The following CEP78 variants were observed in gnomAD, a reference collection of about 807,000 sequenced individuals.
CEP78 encodes the protein centrosomal protein 78, also known as centrosomal protein of 78 kDa.
CEP78 carries 76 observed loss-of-function variants against 81.2 expected under a neutral mutation model. The ratio of observed to expected loss-of-function variants is 0.94; its 90% CI spans 0.78 to 1.13. CEP78 has a LOEUF of 1.13. CEP78 is among the 50% of genes most tolerant of loss of function. The probability of loss-of-function intolerance (pLI) is 0.00; values close to 1 mark genes in which losing one functional copy is unlikely to be tolerated. For missense variants in CEP78, 918 were observed against 846.8 expected (o/e 1.08, Z -1.04); for synonymous variants, 293 against 301.4 (o/e 0.97, Z 0.29).
chr9:78,262,969 T>G lies in CEP78; in HGVS notation c.1443T>G (p.Asp481Glu), dbSNP rs1253294499. Reference sequence around the variant, plus strand: ...AAAGAGTGATAAGGCTTAAGGTTGATAAACGAGTCAGTGAGGTAAATAAAA... The same window carrying G: ...AAAGAGTGATAAGGCTTAAGGTTGAGAAACGAGTCAGTGAGGTAAATAAAA... Reference protein sequence around the residue: ...KEERVIRLKVDKRVSELEHEN... With the variant: ...KEERVIRLKVEKRVSELEHEN... The change falls in exon 12 of 17, where the codon GAT becomes GAG. Residue 481 changes from aspartate to glutamate, a missense_variant. Coordinates refer to ENST00000643273, the MANE Select transcript of CEP78 (RefSeq NM_001330691.3). 1 of 1,541,710 alleles carries G rather than the reference T, an allele frequency of 6.5e-7. No homozygotes were observed. Among genetic ancestry groups the G allele is most frequent in the African/African-American group, 1.4e-5 (1 of 72,702 alleles).
chr9:78,240,490 C>G (rs1434432375), intron 3 of CEP78, 126 bp downstream of exon 3: 3 of 800,354 alleles, frequency 3.7e-6, no homozygotes, highest in Non-Finnish European at 6.3e-6. Context: ...AAACCTTGGT[C>G]CAGTCTCAAG....
intron 12 of CEP78, 92 bp downstream of exon 12, chr9:78,263,076 A>C (rs1827350660): frequency 3.2e-6 from 2 of 617,366 alleles, no homozygotes; most frequent in Non-Finnish European, 5.5e-6. Context: ...TAAACTTTAA[A>C]ATGAGAAAAT....
At chr9:78,250,373 A>C in intron 8 of CEP78, 1 of 396,896 alleles carries the variant, frequency 2.5e-6, no homozygotes, top group Non-Finnish European at 4.4e-6. Flanking sequence ...TTACGTGTGC[A>C]GACAGAAGAT....
chr9:78,268,935 C>T (rs1192423750), intron 16 of CEP78, among the ~76,000 whole-genome samples: 5 of 152,092 alleles, frequency 3.3e-5, no homozygotes, highest in Admixed American at 6.5e-5. Flanking sequence ...GGATTACAGG[C>T]GTGAGCTACC....
chr9:78,260,816 T>C (rs1243446924), intron 11 of CEP78, among the ~76,000 whole-genome samples: 2 of 152,122 alleles, frequency 1.3e-5, no homozygotes, highest in East Asian at 3.9e-4. Flanking sequence ...ATACTCGGGT[T>C]ATTCCATGAC....
rs1826511581 is a variant in CEP78, at chr9:78,246,792, T to G, written c.892+10T>G. 1 of 1,448,626 alleles carries G rather than the reference T, an allele frequency of 6.9e-7. No individual in the cohort carries two copies. The highest frequency in any genetic ancestry group is 2.1e-5 in the Admixed American group (1 of 47,842). 89.7% of individuals were successfully genotyped at this position (1,448,626 alleles called of 1,614,324 possible). ...AAAAATCCACTCATTGGTATGTCGC[T>G]ACAATATTTTTTATTGACTAACAAA... On this transcript the variant is annotated intron_variant, in intron 6 of 16. Transcript: ENST00000643273.
chr9:78,246,685 G>C lies in CEP78; in HGVS notation c.795G>C (p.Gln265His), dbSNP rs901789347. ...CATCGAAAGCTCTTGACCTGCAACA[G>C]TGCGGCCTCACCAATGAAGGAGCAA... ...DLWLRALDLQQCGLTNEGAKA... is the reference protein window; with the variant it reads ...DLWLRALDLQHCGLTNEGAKA... Residue 265 changes from glutamine (Q) to histidine (H), a missense_variant, in exon 6 of 17, where the codon CAG becomes CAC. Transcript: ENST00000643273. 1.9e-6 allele frequency: 3 copies of C among 1,608,328 alleles called. No individual in the cohort carries two copies. The highest frequency in any genetic ancestry group is 2.5e-6 in the Non-Finnish European group (3 of 1,177,218).
intron 16 of CEP78, 146 bp downstream of exon 16, chr9:78,266,849 A>G (rs1827565393): frequency 6.9e-7 from 1 of 1,449,020 alleles, no homozygotes; most frequent in Admixed American, 2.9e-5. Context: ...GGTCTTTGAA[A>G]AAATACGTTT....
In CEP78 at chr9:78,277,470, G is replaced by T. The variant is rs999431746; in HGVS notation, c.*6619G>T. The T allele has an allele frequency of 2.0e-5, 3 of 152,060 alleles. No homozygotes were observed. The highest frequency in any genetic ancestry group is 4.4e-5 in the Non-Finnish European group (3 of 67,970). 9.4% of individuals were successfully genotyped at this position (152,060 alleles called of 1,614,324 possible). A position where few individuals can be genotyped will look rare whatever the true frequency, so the allele number is the denominator to read the frequency against. ...GGCTATAAAAATATTTTATAAATAAGAAATACAGACTATAAACATAAACTT... is the reference window on the plus strand; with the variant it reads ...GGCTATAAAAATATTTTATAAATAATAAATACAGACTATAAACATAAACTT... On this transcript the variant is annotated 3_prime_UTR_variant, in exon 17 of 17. Transcript: ENST00000643273.
At chr9:78,261,132 G>T (rs1827255187) in intron 11 of CEP78, among the ~76,000 whole-genome samples, 3 of 152,000 alleles carry the variant, frequency 2.0e-5, no homozygotes, top group Admixed American at 2.0e-4. Flanking sequence ...TATATTTTTA[G>T]TAGAGACGGG....
In CEP78 at chr9:78,240,187, C is replaced by A. The variant is rs1186841188; in HGVS notation, c.418C>A (p.Leu140Ile). Residue 140 changes from leucine to isoleucine, a missense_variant, in exon 2 of 17, where the codon CTA (leucine) becomes ATA (isoleucine). By Grantham distance (5) the Leu-to-Ile change is conservative (BLOSUM62 2). Transcript: ENST00000643273. Reference sequence around the variant, plus strand: ...TCTGAGAGAGAGGGATTTAACTATTCTAGCAAAGGTAAGCTTTGTCTCATT... The same window carrying A: ...TCTGAGAGAGAGGGATTTAACTATTATAGCAAAGGTAAGCTTTGTCTCATT... ...LILRERDLTI[L>I]AKGLNKSASL... The A allele has an allele frequency of 6.2e-7, 1 of 1,605,590 alleles. No homozygotes were observed. The highest frequency in any genetic ancestry group is 2.2e-5 in the East Asian group (1 of 44,798).
chr9:78,246,461 G>T (rs369095239), intron 5 of CEP78, among the ~76,000 whole-genome samples: 3 of 152,300 alleles, frequency 2.0e-5, no homozygotes, highest in African/African-American at 7.2e-5. Flanking sequence ...TTAGCCATGC[G>T]TGGTGGCGGG....
chr9:78,277,874 A>C lies in CEP78; in HGVS notation c.*7023A>C, dbSNP rs1827835224. 1 of 152,244 alleles carries C rather than the reference A, an allele frequency of 6.6e-6. No homozygotes were observed. The highest frequency in any genetic ancestry group is 1.5e-5 in the Non-Finnish European group (1 of 68,044). 9.4% of individuals were successfully genotyped at this position (152,244 alleles called of 1,614,324 possible). Reference sequence around the variant, plus strand: ...AGTACATACCAATTTCTGACATATAACACTCTGCAGCAGATAAAGACAATA... The same window carrying C: ...AGTACATACCAATTTCTGACATATACCACTCTGCAGCAGATAAAGACAATA... On this transcript the variant is annotated 3_prime_UTR_variant, in exon 17 of 17. Transcript: ENST00000643273.
chr9:78,265,624 A>G (rs1174478646), intron 14 of CEP78, 81 bp downstream of exon 14: 1 of 1,320,658 alleles, frequency 7.6e-7, no homozygotes, highest in Non-Finnish European at 1.0e-6. Flanking sequence ...GAAAAGAATA[A>G]TGATCTGTGC....
chr9:78,245,671 G>T (rs1024905840), intron 5 of CEP78, among the ~76,000 whole-genome samples: 2 of 152,144 alleles, frequency 1.3e-5, no homozygotes, highest in Non-Finnish European at 2.9e-5. Flanking sequence ...CTTTTGAGTT[G>T]AAATGAGTAG....
At chr9:78,248,921 G>T in intron 8 of CEP78, 48 bp downstream of exon 8, 1 of 906,512 alleles carries the variant, frequency 1.1e-6, no homozygotes. Context: ...GTTCTAGTGT[G>T]TTAAAATTAA....
rs1200910153 is a variant in CEP78, at chr9:78,275,042, A to G, written c.*4191A>G. 2 of 152,196 alleles carry G rather than the reference A, an allele frequency of 1.3e-5. No homozygotes were observed. Among genetic ancestry groups the G allele is most frequent in the East Asian group, 1.9e-4 (1 of 5,202 alleles). The allele number at this position is 152,196 out of a possible 1,614,324, so 9.4% of individuals were successfully genotyped here. A position where few individuals can be genotyped will look rare whatever the true frequency, so the allele number is the denominator to read the frequency against. ...GAAAGATAAACCTTTGTAAAATATG[A>G]TAAAGAAAAAAAAGCAAGAAGTAAT... On this transcript the variant is annotated 3_prime_UTR_variant, in exon 17 of 17. Transcript: ENST00000643273.
intron 6 of CEP78, among the ~76,000 whole-genome samples, 173 bp from the exon 7 acceptor site, chr9:78,248,118 T>C (rs1282056357): frequency 3.3e-5 from 5 of 152,332 alleles, no homozygotes; most frequent in Admixed American, 3.3e-4. Flanking sequence ...ATACTTTGTT[T>C]TTGAGGAAGA....
intron 16 of CEP78, among the ~76,000 whole-genome samples, chr9:78,269,262 T>C (rs1014236028): frequency 2.0e-4 from 31 of 152,134 alleles, no homozygotes; most frequent in Admixed American, 1.9e-3. Flanking sequence ...GGTGGACTTG[T>C]GTTTCTGTGA....
Sources: gnomAD v4.1 joint callset for allele counts (sites outside exome capture counted in the v4.1 genomes callset) on GRCh38, gnomAD v4.1.1 for gene constraint, MANE v1.5 for transcripts, NCBI Gene and HGNC (gene_info 2026-07-23, HGNC 2026-07-21) for gene names.